Variants in IL3RA observed in about 807,000 individuals in gnomAD.
The protein encoded by IL3RA is interleukin-3 receptor subunit alpha.
IL3RA carries 73 observed loss-of-function variants against 52.3 expected under a neutral mutation model. The ratio of observed to expected loss-of-function variants is 1.40; its 90% confidence interval spans 1.16 to 1.70. The LOEUF (loss-of-function observed/expected upper bound fraction) is 1.70, where lower values mean the gene tolerates loss of function less well. Among genes scored for constraint, IL3RA ranks in the 40% most tolerant of loss-of-function variants. The pLI is 0.00. For missense variants in IL3RA, 664 were observed against 504.4 expected (o/e 1.32, Z -3.03); for synonymous variants, 260 against 194.0 (o/e 1.34, Z -2.83).
chrX:1,362,789 A>AT (rs1444724104), intron 8 of IL3RA, among the ~76,000 whole-genome samples: 1 of 151,158 alleles, frequency 6.6e-6, no homozygotes, highest in Non-Finnish European at 1.5e-5. Flanking sequence ...TTATTTATTT[A>AT]TTTTGAGACA....
chrX:1,340,916 A>G (rs768248669), intron 1 of IL3RA, among the ~76,000 whole-genome samples: 3 of 152,268 alleles, frequency 2.0e-5, no homozygotes, highest in African/African-American at 7.2e-5. Context: ...CAGGAGTTCG[A>G]GACCAGCCTG....
intron 1 of IL3RA, among the ~76,000 whole-genome samples, chrX:1,340,626 G>A (rs1302452594): frequency 5.9e-5 from 9 of 152,152 alleles, no homozygotes; most frequent in African/African-American, 1.9e-4. Context: ...GTGTGTACAC[G>A]TGGAATGCAT....
intron 8 of IL3RA, among the ~76,000 whole-genome samples, chrX:1,360,091 CT>C (rs1794629897): frequency 6.7e-6 from 1 of 150,352 alleles, no homozygotes; most frequent in African/African-American, 2.5e-5. Context: ...CTTTCTCTCT[CT>C]CTCCCGGTCT....
chrX:1,348,931 CTCT>C (rs1370013675), intron 4 of IL3RA, among the ~76,000 whole-genome samples: 39 of 148,956 alleles, frequency 2.6e-4, no homozygotes, highest in African/African-American at 8.4e-4. Flanking sequence ...TCTCTCCCTC[CTCT>C]TTTCCTTCCT....
chrX:1,348,515 T>G lies in IL3RA; in HGVS notation c.268T>G (p.Phe90Val), dbSNP rs1413650554. 6.2e-7 allele frequency: 1 copy of G among 1,613,806 alleles called. No homozygotes were observed. Residue 90 changes from phenylalanine to valine, a missense_variant, in exon 4 of 12, where the codon TTC becomes GTC. Transcript: ENST00000331035. ...NYTVRVANPP[F>V]STWILFPENS... ...CACCGTCCGAGTGGCCAACCCACCA[T>G]TCTCCACGTGGATCCTCTTCCCTGA...
Position 1,352,523 on chromosome X carries a change from A to G in IL3RA, c.616+17A>G, listed in dbSNP as rs750825526. The G allele has an allele frequency of 6.8e-6, 11 of 1,607,320 alleles. No individual in the cohort carries two copies. The highest frequency in any genetic ancestry group is 8.5e-6 in the Non-Finnish European group (10 of 1,176,670). Reference sequence around the variant, plus strand: ...CACAGATTGGTGAGTAGCCCGGGACACTCCCTCCCACCCTCAGTTCTGTGA... The same window carrying G: ...CACAGATTGGTGAGTAGCCCGGGACGCTCCCTCCCACCCTCAGTTCTGTGA... On this transcript the variant is annotated intron_variant, in intron 6 of 11. Transcript: ENST00000331035.
intron 7 of IL3RA, among the ~76,000 whole-genome samples, chrX:1,357,661 C>T (rs746482573): frequency 6.6e-6 from 1 of 152,076 alleles, no homozygotes; most frequent in African/African-American, 2.4e-5. Flanking sequence ...TGTGCCCCGC[C>T]ATATATTTAT....
Position 1,381,068 on chromosome X carries a change from A to T in IL3RA, c.1026A>T (p.Lys342Asn). The T allele has an allele frequency of 1.9e-6, 3 of 1,613,804 alleles. No individual in the cohort carries two copies. In the East Asian group the frequency reaches 6.7e-5, roughly 36 times the overall value. The part of the protein sequence containing the change: ...QRLFPRIPHM[K>N]DPIGDSFQND... ...TCTTTCCCCGCATCCCTCACATGAAAGACCCCATCGGTGACAGCTTCCAAA... is the reference window on the plus strand; with the variant it reads ...TCTTTCCCCGCATCCCTCACATGAATGACCCCATCGGTGACAGCTTCCAAA... The change falls in exon 11 of 12, where the codon AAA (lysine) becomes AAT (asparagine). Residue 342 changes from lysine (K) to asparagine (N), a missense_variant. Lys to Asn is a moderately conservative substitution (Grantham distance 94). Transcript: ENST00000331035.
At chrX:1,346,059 A>C (rs1167846615) in intron 3 of IL3RA, among the ~76,000 whole-genome samples, 1 of 151,774 alleles carries the variant, frequency 6.6e-6, no homozygotes, top group Non-Finnish European at 1.5e-5. Flanking sequence ...TCACGTCTGT[A>C]ATCCCAGCAC....
At chrX:1,363,788 C>T (rs190817411) in intron 8 of IL3RA, among the ~76,000 whole-genome samples, 333 of 152,140 alleles carry the variant, frequency 2.2e-3, no homozygotes, top group African/African-American at 5.6e-3. Context: ...GGCACAGTCA[C>T]GGCTCACTGC....
chrX:1,359,059 T>C (rs2086962538), intron 8 of IL3RA, among the ~76,000 whole-genome samples, 172 bp downstream of exon 8: 1 of 152,064 alleles, frequency 6.6e-6, no homozygotes, highest in African/African-American at 2.4e-5. Context: ...TTGGACAGAC[T>C]CTTGAGTGTC....
intron 2 of IL3RA, 138 bp from the exon 3 acceptor site, chrX:1,345,168 CAAAAAATTTA>C (rs2085684541): frequency 1.9e-6 from 1 of 524,170 alleles, no homozygotes. Flanking sequence ...AACTCCATGT[CAAAAAATTTA>C]AAAAAATTAA....
intron 4 of IL3RA, among the ~76,000 whole-genome samples, chrX:1,348,885 T>TTC (rs1556619317): frequency 7.1e-6 from 1 of 140,866 alleles, no homozygotes; most frequent in African/African-American, 2.6e-5. Context: ...TTCCCTTTCG[T>TTC]TTTCTTTTCC....
Position 1,365,164 on chromosome X carries a change from A to G in IL3RA, c.786A>G (p.Leu262=). 6.2e-7 allele frequency: 1 copy of G among 1,610,290 alleles called. No individual in the cohort carries two copies. Among genetic ancestry groups the G allele is most frequent in the Non-Finnish European group, 8.5e-7 (1 of 1,178,188 alleles). ...EQVRDRTSFQ[L]LNPGTYTVQI... ...TCAGAGACAGAACCTCCTTCCAGCT[A>G]CTCAATCCTGGAACGTACACAGTAC... Residue 262 remains leucine (L), a synonymous_variant, in exon 9 of 12, where the codon CTA becomes CTG. Coordinates refer to ENST00000331035, the MANE Select transcript of IL3RA (RefSeq NM_002183.4).
At chrX:1,343,527 C>A (rs187820157) in intron 2 of IL3RA, among the ~76,000 whole-genome samples, 243 of 151,288 alleles carry the variant, frequency 1.6e-3, no homozygotes, top group African/African-American at 5.3e-3. Context: ...ATTAGCTGGG[C>A]GCGGTGCTGT....
At chrX:1,367,834 GCCATCCT>G in intron 9 of IL3RA, among the ~76,000 whole-genome samples, 1 of 150,842 alleles carries the variant, frequency 6.6e-6, no homozygotes, top group African/African-American at 2.4e-5. Flanking sequence ...AGCGGGGTGC[GCCATCCT>G]GGGTCACGGA....
At chrX:1,367,530 G>C (rs1361050625) in intron 9 of IL3RA, among the ~76,000 whole-genome samples, 1 of 94,144 alleles carries the variant, frequency 1.1e-5, no homozygotes, top group East Asian at 3.9e-4. Context: ...CGGGGTGCGC[G>C]GGGTGCGCGG....
chrX:1,363,302 CTTTT>C (rs769178382), intron 8 of IL3RA, among the ~76,000 whole-genome samples: 3 of 130,608 alleles, frequency 2.3e-5, no homozygotes, highest in Non-Finnish European at 3.3e-5. Flanking sequence ...GTCTTTTCTT[CTTTT>C]TTTTTTTTTT....
chrX:1,354,799 G>C, intron 6 of IL3RA, among the ~76,000 whole-genome samples: 1 of 100,396 alleles, frequency 1.0e-5, no homozygotes, highest in Middle Eastern at 5.3e-3. Context: ...GAGGAGGAGA[G>C]GGTGGAGGAG....
Sources: gnomAD v4.1 joint callset for allele counts (sites outside exome capture counted in the v4.1 genomes callset) on GRCh38, gnomAD v4.1.1 for gene constraint, MANE v1.5 for transcripts, NCBI Gene and HGNC (gene_info 2026-07-23, HGNC 2026-07-21) for gene names.